Variants in CAMKMT observed in about 807,000 individuals in gnomAD.
The protein encoded by CAMKMT is CaM KMT.
A neutral mutation model predicts 48.0 loss-of-function variants in CAMKMT; 53 were observed. That is an observed-to-expected ratio of 1.10 (90% CI 0.89 to 1.39). The LOEUF is 1.39. CAMKMT is among the 40% of genes most tolerant of loss of function. The pLI is 0.00. For synonymous variants in CAMKMT, 165 were observed against 152.3 expected (o/e 1.08, Z -0.61); for missense variants, 428 against 402.7 (o/e 1.06, Z -0.54).
At chr2:44,581,368 A>T (rs1199853213) in intron 3 of CAMKMT, among the ~76,000 whole-genome samples, 1 of 152,206 alleles carries the variant, frequency 6.6e-6, no homozygotes, top group Non-Finnish European at 1.5e-5. Context: ...CTAAGATCAC[A>T]TGTCAATGAG....
intron 3 of CAMKMT, among the ~76,000 whole-genome samples, chr2:44,532,186 C>T (rs1666522633): frequency 6.6e-6 from 1 of 152,176 alleles, no homozygotes; most frequent in African/African-American, 2.4e-5. Context: ...GAGAGGCTGG[C>T]TATTTGCTTT....
At chr2:44,377,039 C>T (rs1436043215) in intron 2 of CAMKMT, among the ~76,000 whole-genome samples, 2 of 152,120 alleles carry the variant, frequency 1.3e-5, no homozygotes, top group African/African-American at 2.4e-5. Flanking sequence ...GACGGTCTCA[C>T]TCTGTTGCCC....
At chr2:44,635,124 G>A (rs1673051735) in intron 3 of CAMKMT, among the ~76,000 whole-genome samples, 2 of 152,206 alleles carry the variant, frequency 1.3e-5, no homozygotes, top group Admixed American at 6.5e-5. Flanking sequence ...GGTGTTAAGT[G>A]TTGAGCATCC....
chr2:44,456,711 A>G, intron 3 of CAMKMT: 1 of 1,060,154 alleles, frequency 9.4e-7, no homozygotes, highest in Non-Finnish European at 1.3e-6. Context: ...TGTCTTCATG[A>G]TCTTCATTAC....
intron 3 of CAMKMT, among the ~76,000 whole-genome samples, chr2:44,692,618 T>G (rs1483855753): frequency 6.6e-6 from 1 of 152,182 alleles, no homozygotes; most frequent in Non-Finnish European, 1.5e-5. Context: ...GTTGCATGAA[T>G]AAATGAGGCT....
intron 7 of CAMKMT, among the ~76,000 whole-genome samples, chr2:44,739,437 A>C (rs1251126633): frequency 6.6e-6 from 1 of 152,246 alleles, no homozygotes; most frequent in Non-Finnish European, 1.5e-5. Context: ...AGATGGAATT[A>C]CCAATAACGA....
At chr2:44,641,247 C>G (rs1673435382) in intron 3 of CAMKMT, among the ~76,000 whole-genome samples, 1 of 152,132 alleles carries the variant, frequency 6.6e-6, no homozygotes, top group Non-Finnish European at 1.5e-5. Flanking sequence ...TCTAATTTTT[C>G]TAGATTCTAG....
At chr2:44,670,874 T>C (rs1226699085) in intron 3 of CAMKMT, among the ~76,000 whole-genome samples, 1 of 152,158 alleles carries the variant, frequency 6.6e-6, no homozygotes, top group Non-Finnish European at 1.5e-5. Flanking sequence ...CCTCTCTCCA[T>C]GGTTCCTTAG....
At chr2:44,558,602 T>TA (rs1668150407) in intron 3 of CAMKMT, among the ~76,000 whole-genome samples, 1 of 151,916 alleles carries the variant, frequency 6.6e-6, no homozygotes, top group Non-Finnish European at 1.5e-5. Context: ...TACACAGGCA[T>TA]AAAAAAGAAG....
At chr2:44,524,965 T>TAA (rs200808019) in intron 3 of CAMKMT, among the ~76,000 whole-genome samples, 12 of 98,222 alleles carry the variant, frequency 1.2e-4, no homozygotes, top group African/African-American at 1.7e-4. Context: ...GCAAATTTCA[T>TAA]AAAAAAAAAA....
intron 3 of CAMKMT, among the ~76,000 whole-genome samples, chr2:44,473,023 A>G (rs951851012): frequency 6.6e-6 from 1 of 152,160 alleles, no homozygotes; most frequent in African/African-American, 2.4e-5. Context: ...TTCCATTACA[A>G]CGTGTCTAAA....
At chr2:44,756,346 A>C (rs555579540) in intron 9 of CAMKMT, among the ~76,000 whole-genome samples, 1 of 152,324 alleles carries the variant, frequency 6.6e-6, no homozygotes, top group African/African-American at 2.4e-5. Flanking sequence ...GAAAATGGTC[A>C]AGGTTTTATT....
chr2:44,579,638 A>G (rs1572845659), intron 3 of CAMKMT, among the ~76,000 whole-genome samples: 2 of 152,198 alleles, frequency 1.3e-5, no homozygotes, highest in African/African-American at 4.8e-5. Flanking sequence ...CTCCTGAGCT[A>G]TTGACAAACT....
intron 3 of CAMKMT, among the ~76,000 whole-genome samples, chr2:44,468,554 G>C (rs953937192): frequency 1.1e-4 from 17 of 152,224 alleles, no homozygotes; most frequent in Middle Eastern, 3.2e-3. Flanking sequence ...GCACTCCCAT[G>C]TTTATTGCAG....
chr2:44,625,168 G>C (rs189919757), intron 3 of CAMKMT, among the ~76,000 whole-genome samples: 3 of 152,288 alleles, frequency 2.0e-5, no homozygotes, highest in African/African-American at 7.2e-5. Flanking sequence ...GGTATGATTA[G>C]TCTTTTTAAA....
chr2:44,445,938 A>C (rs1300993674), intron 3 of CAMKMT, among the ~76,000 whole-genome samples: 1 of 151,984 alleles, frequency 6.6e-6, no homozygotes, highest in Non-Finnish European at 1.5e-5. Flanking sequence ...CATTTTCCCC[A>C]AAACAAGACC....
At chr2:44,748,600 C>T (rs560562150) in intron 8 of CAMKMT, among the ~76,000 whole-genome samples, 2 of 152,066 alleles carry the variant, frequency 1.3e-5, no homozygotes, top group East Asian at 1.9e-4. Context: ...GGGCCAGACG[C>T]GGTGGCTCAT....
chr2:44,706,253 G>T (rs187572031), intron 4 of CAMKMT, 34 bp from the exon 5 acceptor site: 1 of 1,609,204 alleles, frequency 6.2e-7, no homozygotes, highest in Non-Finnish European at 8.5e-7. Flanking sequence ...CATCTAATTT[G>T]TATGGGTTCT....
intron 3 of CAMKMT, among the ~76,000 whole-genome samples, chr2:44,700,288 A>G (rs1027248792): frequency 6.6e-6 from 1 of 152,192 alleles, no homozygotes; most frequent in Non-Finnish European, 1.5e-5. Context: ...TATCAGCAAT[A>G]AGGCTGTTTT....
Sources: allele counts gnomAD v4.1 joint callset (sites outside exome capture counted in the v4.1 genomes callset), GRCh38; gene constraint gnomAD v4.1.1; transcripts MANE v1.5; gene names NCBI Gene and HGNC (gene_info 2026-07-23, HGNC 2026-07-21).